Variants in SDCCAG8 observed in about 807,000 individuals in gnomAD.
SDCCAG8 encodes the protein serologically defined colon cancer antigen 8.
Under a neutral mutation model 101.8 loss-of-function variants are expected in SDCCAG8, and 74 were observed. The observed-to-expected ratio is 0.73, with a 90% CI of 0.60 to 0.88. The LOEUF is 0.88. Ranked by LOEUF, SDCCAG8 falls within the 40% of genes least tolerant of loss-of-function variation. The pLI is 0.00. For synonymous variants in SDCCAG8, 281 were observed against 292.9 expected, an observed-to-expected ratio of 0.96 and a Z score of 0.41; for missense variants, 787 against 822.6, an observed-to-expected ratio of 0.96 and a Z score of 0.53.
chr1:243,393,911 C>T (rs2078881689), intron 13 of SDCCAG8, among the ~76,000 whole-genome samples: 1 of 152,034 alleles, frequency 6.6e-6, no homozygotes, highest in Non-Finnish European at 1.5e-5. Context: ...TCTTTTTTCC[C>T]CCATGTAACT....
intron 9 of SDCCAG8, among the ~76,000 whole-genome samples, chr1:243,321,725 C>T (rs2073773491): frequency 6.6e-6 from 1 of 152,138 alleles, no homozygotes; most frequent in Non-Finnish European, 1.5e-5. Context: ...TCTTGGTTCA[C>T]TGTAACCTCC....
In SDCCAG8 at chr1:243,256,170, G is replaced by A. The variant is rs113193158; in HGVS notation, c.-4G>A. The A allele has an allele frequency of 4.4e-4, 706 of 1,613,858 alleles. 7 individuals are homozygous for A. In the South Asian group the frequency reaches 6.3e-3, roughly 14 times the overall value. ...ACTCCCAGCTCTGGGCCTAGAGTGC[G>A]TGCATGGCGAAGTCCCCGGAGAACT... On this transcript the variant is annotated 5_prime_UTR_variant, in exon 1 of 18. It adds an upstream start codon to the 5' untranslated region. Coordinates refer to ENST00000366541, the MANE Select transcript of SDCCAG8 (RefSeq NM_006642.5).
intron 16 of SDCCAG8, among the ~76,000 whole-genome samples, chr1:243,480,984 G>A (rs913054606): frequency 4.0e-5 from 6 of 151,894 alleles, no homozygotes; most frequent in South Asian, 4.2e-4. Flanking sequence ...ATGGTGACTA[G>A]GGGTGGTCCC....
chr1:243,344,529 G>A (rs1036678867), intron 12 of SDCCAG8, among the ~76,000 whole-genome samples, 198 bp downstream of exon 12: 2 of 152,142 alleles, frequency 1.3e-5, no homozygotes, highest in African/African-American at 4.8e-5. Flanking sequence ...GAATACAACA[G>A]CATGCATATA....
chr1:243,267,636 G>T (rs1375152153), intron 1 of SDCCAG8: 1 of 710,186 alleles, frequency 1.4e-6, no homozygotes, highest in African/African-American at 1.8e-5. Flanking sequence ...GGTCAACTGT[G>T]GGCACAATGT....
intron 6 of SDCCAG8, among the ~76,000 whole-genome samples, chr1:243,299,867 AT>A (rs779092727): frequency 2.9e-3 from 411 of 140,600 alleles, no homozygotes; most frequent in Admixed American, 4.6e-3. Context: ...CTTTGAATTA[AT>A]TTTTTTTTTT....
intron 16 of SDCCAG8, among the ~76,000 whole-genome samples, chr1:243,443,935 T>C (rs1245902824): frequency 6.6e-6 from 1 of 152,196 alleles, no homozygotes; most frequent in Non-Finnish European, 1.5e-5. Context: ...TTTAATGAAA[T>C]ATTTTCAGAC....
intron 12 of SDCCAG8, among the ~76,000 whole-genome samples, chr1:243,367,692 A>G (rs1440968100): frequency 6.6e-6 from 1 of 150,850 alleles, no homozygotes; most frequent in African/African-American, 2.4e-5. Flanking sequence ...ATTAAATAGC[A>G]TTATAAGTCA....
chr1:243,489,954 C>T (rs1465219834), intron 17 of SDCCAG8, among the ~76,000 whole-genome samples: 3 of 152,162 alleles, frequency 2.0e-5, no homozygotes, highest in Non-Finnish European at 4.4e-5. Context: ...GTGCATTTTG[C>T]CCCGTCAAGC....
intron 6 of SDCCAG8, among the ~76,000 whole-genome samples, chr1:243,301,908 G>T (rs1055190266): frequency 6.6e-6 from 1 of 152,188 alleles, no homozygotes; most frequent in African/African-American, 2.4e-5. Flanking sequence ...AGCAGCTTCT[G>T]TTGACCAAGA....
chr1:243,371,773 A>G (rs1018172003), intron 12 of SDCCAG8, among the ~76,000 whole-genome samples: 2 of 152,116 alleles, frequency 1.3e-5, no homozygotes, highest in Non-Finnish European at 2.9e-5. Context: ...AAATTTTGCT[A>G]TATTCTAGAC....
At chr1:243,418,221 T>A in intron 15 of SDCCAG8, 145 bp downstream of exon 15, 1 of 662,268 alleles carries the variant, frequency 1.5e-6, no homozygotes, top group Non-Finnish European at 2.7e-6. Flanking sequence ...ATTTTCTACA[T>A]ATGGACATTT....
intron 17 of SDCCAG8, among the ~76,000 whole-genome samples, 162 bp downstream of exon 17, chr1:243,489,302 A>G (rs1275728216): frequency 1.3e-5 from 2 of 152,238 alleles, no homozygotes; most frequent in Non-Finnish European, 2.9e-5. Flanking sequence ...CAGGACCCAG[A>G]GAAGCGGAGC....
chr1:243,332,753 T>TTTCGCGGTCCAGGTCTGGAGGTG (rs2074711129), intron 10 of SDCCAG8, among the ~76,000 whole-genome samples: 2 of 151,334 alleles, frequency 1.3e-5, no homozygotes, highest in Non-Finnish European at 2.9e-5. Flanking sequence ...TGGAGGTGAT[T>TTTCGCGGTCCAGGTCTGGAGGTG]ATTGTGGTCC....
At chr1:243,419,275 A>G (rs1469159202) in intron 15 of SDCCAG8, among the ~76,000 whole-genome samples, 2 of 152,162 alleles carry the variant, frequency 1.3e-5, no homozygotes, top group African/African-American at 4.8e-5. Context: ...AAAATACCAG[A>G]TATTTCAAGG....
At chr1:243,425,654 G>A (rs1031839180) in intron 15 of SDCCAG8, among the ~76,000 whole-genome samples, 2 of 152,134 alleles carry the variant, frequency 1.3e-5, no homozygotes, top group African/African-American at 4.8e-5. Context: ...GGTGGCAGTA[G>A]GCAGTAATTT....
At chr1:243,314,666 C>G (rs902605415) in intron 8 of SDCCAG8, among the ~76,000 whole-genome samples, 1 of 152,118 alleles carries the variant, frequency 6.6e-6, no homozygotes, top group Non-Finnish European at 1.5e-5. Flanking sequence ...GATTTTTATC[C>G]TGTTGTGGAT....
chr1:243,431,361 A>C (rs990142923), intron 16 of SDCCAG8, among the ~76,000 whole-genome samples: 2 of 152,142 alleles, frequency 1.3e-5, no homozygotes, highest in Non-Finnish European at 2.9e-5. Context: ...TGGGTGGAGA[A>C]GAGGAGCGTG....
At chr1:243,366,270 T>C (rs1165797879) in intron 12 of SDCCAG8, among the ~76,000 whole-genome samples, 3 of 152,046 alleles carry the variant, frequency 2.0e-5, no homozygotes, top group Admixed American at 1.3e-4. Context: ...AAAGTGCCTG[T>C]CATTCTCTTA....
Sources: gnomAD v4.1 joint callset for allele counts (sites outside exome capture counted in the v4.1 genomes callset) on GRCh38, gnomAD v4.1.1 for gene constraint, MANE v1.5 for transcripts, NCBI Gene and HGNC (gene_info 2026-07-23, HGNC 2026-07-21) for gene names.